IL1RAPL1: variants seen among roughly 807,000 people sequenced by gnomAD.
IL1RAPL1 encodes the protein interleukin-1 receptor accessory protein-like 1.
A neutral mutation model predicts 48.4 loss-of-function variants in IL1RAPL1; 3 were observed. The observed-to-expected ratio is 0.06, with a 90% CI of 0.03 to 0.16. IL1RAPL1 has a LOEUF of 0.16. Among genes scored for constraint, IL1RAPL1 ranks in the 10% least tolerant of loss-of-function variants. The pLI, the probability that IL1RAPL1 is intolerant of heterozygous loss-of-function variation, is 1.00. For synonymous variants in IL1RAPL1, 185 were observed against 187.7 expected, an observed-to-expected ratio of 0.99 and a Z score of 0.12; for missense variants, 349 against 530.6, an observed-to-expected ratio of 0.66 and a Z score of 3.36.
chrX:29,735,150 C>A (rs1330173266), intron 6 of IL1RAPL1, among the ~76,000 whole-genome samples: 1 of 111,471 alleles, frequency 9.0e-6, no homozygotes, highest in East Asian at 2.8e-4. Flanking sequence ...CTGGAGGCTC[C>A]AGGGGAGAAT....
chrX:28,746,946 G>T (rs112129233), intron 1 of IL1RAPL1, among the ~76,000 whole-genome samples: 1 of 110,630 alleles, frequency 9.0e-6, no homozygotes, highest in Non-Finnish European at 1.9e-5. Flanking sequence ...CTTCTAATGC[G>T]TTCTCCTGTT....
chrX:29,582,527 A>G (rs1300205680), intron 5 of IL1RAPL1, among the ~76,000 whole-genome samples: 2 of 85,375 alleles, frequency 2.3e-5, no homozygotes, highest in African/African-American at 4.4e-5. Context: ...ATATCTCCCA[A>G]TGCTATCCCT....
At chrX:29,644,032 A>G (rs1021020434) in intron 5 of IL1RAPL1, among the ~76,000 whole-genome samples, 2 of 112,201 alleles carry the variant, frequency 1.8e-5, no homozygotes, top group African/African-American at 6.5e-5. Context: ...AAATATGTGA[A>G]GCAATTTTCA....
intron 6 of IL1RAPL1, among the ~76,000 whole-genome samples, chrX:29,797,280 G>C (rs1303324896): frequency 1.8e-5 from 2 of 112,383 alleles, no homozygotes; most frequent in African/African-American, 6.5e-5. Context: ...TTCCTACCTG[G>C]TAAGGTTATT....
intron 5 of IL1RAPL1, among the ~76,000 whole-genome samples, chrX:29,423,111 C>A (rs1170932219): frequency 9.0e-6 from 1 of 111,443 alleles, no homozygotes; most frequent in Admixed American, 9.6e-5. Flanking sequence ...GAATTTGGGT[C>A]TCTATAATCC....
intron 2 of IL1RAPL1, among the ~76,000 whole-genome samples, chrX:28,987,981 C>A (rs780209010): frequency 6.3e-4 from 71 of 112,040 alleles, no homozygotes; most frequent in African/African-American, 2.3e-3. Context: ...GATAAAGGCA[C>A]ACAATAGCAA....
chrX:28,677,513 A>T, intron 1 of IL1RAPL1, among the ~76,000 whole-genome samples: 1 of 111,866 alleles, frequency 8.9e-6, no homozygotes, highest in Non-Finnish European at 1.9e-5. Context: ...TCTCTCTGAT[A>T]CCAACACAAC....
chrX:29,039,909 A>G (rs1926809483), intron 2 of IL1RAPL1, among the ~76,000 whole-genome samples: 2 of 110,589 alleles, frequency 1.8e-5, no homozygotes, highest in East Asian at 5.7e-4. Context: ...CATACCCTAT[A>G]TGCAAACAAC....
chrX:29,955,895 G>T lies in IL1RAPL1; in HGVS notation c.*75G>T. 1.3e-6 allele frequency: 1 copy of T among 761,656 alleles called. No individual in the cohort carries two copies. Among genetic ancestry groups the T allele is most frequent in the South Asian group, 2.2e-5 (1 of 46,434 alleles). The allele number at this position is 761,656 out of a possible 1,213,427, so 62.8% of individuals were successfully genotyped here. A position where few individuals can be genotyped will look rare whatever the true frequency, so the allele number is the denominator to read the frequency against. On this transcript the variant is annotated 3_prime_UTR_variant, in exon 11 of 11. Transcript: ENST00000378993. Reference sequence around the variant, plus strand: ...GTCCAGTGCCTGGAACTAAATCCTCGACTGCTGCTGTTAAAAAACATGCAT... The same window carrying T: ...GTCCAGTGCCTGGAACTAAATCCTCTACTGCTGCTGTTAAAAAACATGCAT...
At chrX:29,637,636 CTG>C (rs1049672553) in intron 5 of IL1RAPL1, among the ~76,000 whole-genome samples, 1 of 111,384 alleles carries the variant, frequency 9.0e-6, no homozygotes, top group Admixed American at 9.6e-5. Flanking sequence ...CCAAACATCT[CTG>C]TGTGTCCTCT....
intron 5 of IL1RAPL1, among the ~76,000 whole-genome samples, chrX:29,497,522 C>A (rs1455758807): frequency 9.0e-6 from 1 of 110,905 alleles, no homozygotes; most frequent in Non-Finnish European, 1.9e-5. Flanking sequence ...AAGAATATTT[C>A]ATTATATTAT....
intron 2 of IL1RAPL1, among the ~76,000 whole-genome samples, chrX:28,985,880 C>T (rs1925461934): frequency 1.8e-5 from 2 of 110,249 alleles, no homozygotes. Context: ...AGGATGGTCT[C>T]GATCTCCTGA....
intron 5 of IL1RAPL1, among the ~76,000 whole-genome samples, chrX:29,519,266 G>A (rs923484550): frequency 6.3e-5 from 7 of 111,514 alleles, no homozygotes; most frequent in African/African-American, 1.6e-4. Context: ...CGAAAGGACC[G>A]TGCGAGAGGT....
rs1200679211 is a variant in IL1RAPL1 at position 29,766,342 on chromosome X, A to AAATATATAT, written c.778+97839_778+97840insATATATATA. On this transcript the variant is annotated intron_variant, in intron 6 of 10. Coordinates refer to ENST00000378993, the MANE Select transcript of IL1RAPL1 (RefSeq NM_014271.4). Reference sequence around the variant, plus strand: ...GACTCCGTCTCAAAAAAAAAAAAAAAATATATATATATATATATATAGATA... The same window carrying AAATATATAT: ...GACTCCGTCTCAAAAAAAAAAAAAAAAATATATATATATATATATATATATATATAGATA... Among the ~76,000 whole-genome samples the AAATATATAT allele has an allele frequency of 8.4e-5, 4 of 47,542 alleles. 1 individual carries two copies. Among genetic ancestry groups the AAATATATAT allele is most frequent in the African/African-American group, 3.6e-4 (4 of 11,059 alleles). The allele number at this position is 47,542 out of a possible 115,157, so 41.3% of individuals were successfully genotyped here. A position where few individuals can be genotyped will look rare whatever the true frequency, so the allele number is the denominator to read the frequency against.
intron 6 of IL1RAPL1, among the ~76,000 whole-genome samples, chrX:29,855,720 T>G (rs1437429138): frequency 4.1e-5 from 4 of 98,715 alleles, no homozygotes; most frequent in African/African-American, 9.1e-5. Flanking sequence ...CAATTTTGGG[T>G]TTTTTTTTTC....
chrX:28,979,906 C>A (rs988515668), intron 2 of IL1RAPL1, among the ~76,000 whole-genome samples: 2 of 112,153 alleles, frequency 1.8e-5, no homozygotes, highest in Non-Finnish European at 3.8e-5. Flanking sequence ...AAATGATCCC[C>A]AGTGGTGGAG....
chrX:28,942,078 T>C (rs1206456124), intron 2 of IL1RAPL1: 1 of 109,947 alleles, frequency 9.1e-6, no homozygotes, highest in Non-Finnish European at 1.9e-5. Context: ...ATACGATAAC[T>C]GAAGAGGGCT....
intron 5 of IL1RAPL1, among the ~76,000 whole-genome samples, chrX:29,509,468 G>T (rs1473207867): frequency 2.7e-5 from 3 of 112,549 alleles, no homozygotes; most frequent in Non-Finnish European, 5.6e-5. Flanking sequence ...AACTTTTATT[G>T]TTCTAATTTT....
chrX:28,632,744 T>C (rs1934413974), intron 1 of IL1RAPL1, among the ~76,000 whole-genome samples: 1 of 111,937 alleles, frequency 8.9e-6, no homozygotes, highest in African/African-American at 3.2e-5. Context: ...ATAAATTTAG[T>C]GAAGAGTGGC....
Sources: allele counts gnomAD v4.1 joint callset (sites outside exome capture counted in the v4.1 genomes callset), GRCh38; gene constraint gnomAD v4.1.1; transcripts MANE v1.5; gene names NCBI Gene and HGNC (gene_info 2026-07-23, HGNC 2026-07-21).